PLG: variants seen among roughly 807,000 people sequenced by gnomAD.
PLG encodes plasmin.
Under a neutral mutation model 104.4 loss-of-function variants are expected in PLG, and 41 were observed. The ratio of observed to expected loss-of-function variants is 0.39; its 90% confidence interval spans 0.31 to 0.51. The LOEUF (loss-of-function observed/expected upper bound fraction) is 0.51. PLG is among the 20% of genes least tolerant of loss of function. The pLI is 0.76. For synonymous variants in PLG, 337 were observed against 357.1 expected (o/e 0.94, Z 0.63); for missense variants, 891 against 1,003.6 (o/e 0.89, Z 1.52).
At chr6:160,745,432 G>A (rs2115184549) in intron 17 of PLG, among the ~76,000 whole-genome samples, 1 of 152,190 alleles carries the variant, frequency 6.6e-6, no homozygotes, top group East Asian at 1.9e-4. Context: ...GTCTTTGTTG[G>A]TTTAAAGTCT....
At chr6:160,710,217 A>G (rs924150446) in intron 3 of PLG, among the ~76,000 whole-genome samples, 14 of 152,250 alleles carry the variant, frequency 9.2e-5, no homozygotes, top group Admixed American at 7.9e-4. Flanking sequence ...TTTTTAAATG[A>G]TTCATGTTTC....
chr6:160,739,772 C>A lies in PLG; in HGVS notation c.2018+564C>A, dbSNP rs1778157507. Among the ~76,000 whole-genome samples the A allele has an allele frequency of 1.4e-5, 2 of 143,128 alleles. No homozygotes were observed. Among genetic ancestry groups the A allele is most frequent in the Admixed American group, 6.8e-5 (1 of 14,756 alleles). 93.9% of individuals were successfully genotyped at this position (143,128 alleles called of 152,430 possible). On this transcript the variant is annotated intron_variant, in intron 16 of 18. Transcript: ENST00000308192. The surrounding 1 kb of genome is among the most constrained non-coding windows in gnomAD (Gnocchi z 4.4). ...TAAGACACTGTACCAAAAAAAAAAA[C>A]ACCAAAAAAACAAAAAACAAACAAA...
chr6:160,745,923 T>G (rs1486780919), intron 17 of PLG, among the ~76,000 whole-genome samples: 1 of 152,130 alleles, frequency 6.6e-6, no homozygotes, highest in Non-Finnish European at 1.5e-5. Context: ...AATTCTTGGG[T>G]GGATATTTTT....
Position 160,744,449 on chromosome 6 carries a change from A to G in PLG, c.2125+3032A>G, listed in dbSNP as rs1271586225. 6.6e-6 allele frequency among the ~76,000 whole-genome samples: 1 copy of G among 152,046 alleles called. No individual in the cohort carries two copies. Among genetic ancestry groups the G allele is most frequent in the Non-Finnish European group, 1.5e-5 (1 of 68,006 alleles). On this transcript the variant is annotated intron_variant, in intron 17 of 18. Coordinates refer to ENST00000308192, the MANE Select transcript of PLG (RefSeq NM_000301.5). The surrounding 1 kb of genome is among the most constrained non-coding windows in gnomAD (Gnocchi z 4.5). ...TAGGTTTTCTAGTTTGTGTGCATGG[A>G]GCTGTTTGTAGTAGTTTCTGATGGT...
Position 160,741,463 on chromosome 6 carries a change from C to T in PLG, c.2125+46C>T, listed in dbSNP as rs551178387. The T allele has an allele frequency of 6.7e-4, 712 of 1,063,352 alleles. 10 individuals are homozygous for T. In the South Asian group the frequency reaches 7.3e-3, roughly 11 times the overall value. The allele number at this position is 1,063,352 out of a possible 1,614,324, so 65.9% of individuals were successfully genotyped here. A position where few individuals can be genotyped will look rare whatever the true frequency, so the allele number is the denominator to read the frequency against. On this transcript the variant is annotated intron_variant, in intron 17 of 18. Coordinates refer to ENST00000308192, the MANE Select transcript of PLG (RefSeq NM_000301.5). The surrounding 1 kb of genome is among the most constrained non-coding windows in gnomAD (Gnocchi z 4.7). The stretch of plus-strand genomic sequence containing the variant: ...CACATAACGAATTGGTTTTGACCTA[C>T]AGTCCATGTGACAAAATGATCATTT...
At chr6:160,745,724 T>A (rs1298258757) in intron 17 of PLG, among the ~76,000 whole-genome samples, 1 of 152,066 alleles carries the variant, frequency 6.6e-6, no homozygotes, top group Non-Finnish European at 1.5e-5. Flanking sequence ...GTGATGGTTT[T>A]ATAGTGTCAT....
chr6:160,743,182 A>G (rs1240976178), intron 17 of PLG, among the ~76,000 whole-genome samples: 1 of 151,958 alleles, frequency 6.6e-6, no homozygotes, highest in Non-Finnish European at 1.5e-5. Flanking sequence ...GTAGTTTTTT[A>G]ATAGTGCTGT....
chr6:160,713,031 CT>C lies in PLG; in HGVS notation c.454del (p.Cys152AlafsTer78). On this transcript the variant is annotated frameshift_variant, in exon 5 of 19. Coordinates refer to ENST00000308192, the MANE Select transcript of PLG (RefSeq NM_000301.5). LOFTEE classifies it high-confidence loss of function. ...CCTCAGAGGGACTGGAGGAGAACTA[CT>C]GCAGGAATCCAGACAACGATCCGCA... is the stretch of plus-strand genomic sequence containing the variant. ...HPSEGLEENY[C>X]RNPDNDPQGP... 1 of 1,609,116 alleles carries C rather than the reference CT, an allele frequency of 6.2e-7. No homozygotes were observed. The highest frequency in any genetic ancestry group is 8.5e-7 in the Non-Finnish European group (1 of 1,177,224).
chr6:160,732,840 G>A lies in PLG; in HGVS notation c.1587+947G>A, dbSNP rs895505353. Among the ~76,000 whole-genome samples, 3 of 152,126 alleles carry A rather than the reference G, an allele frequency of 2.0e-5. No individual in the cohort carries two copies. The highest frequency in any genetic ancestry group is 2.4e-5 in the African/African-American group (1 of 41,418). The stretch of plus-strand genomic sequence containing the variant: ...TGCACCAGCCCCCGGTACCCCAAGT[G>A]TTCAGCAACCCAGAAGCTCTCCAAG... On this transcript the variant is annotated intron_variant, in intron 12 of 18. Coordinates refer to ENST00000308192, the MANE Select transcript of PLG (RefSeq NM_000301.5). The surrounding 1 kb of genome is among the most constrained non-coding windows in gnomAD (Gnocchi z 4.5).
intron 17 of PLG, among the ~76,000 whole-genome samples, chr6:160,743,558 G>A (rs554348990): frequency 8.5e-5 from 13 of 152,260 alleles, no homozygotes; most frequent in African/African-American, 3.1e-4. Flanking sequence ...GGAGCTTTTG[G>A]GCTGAGACTA....
At chr6:160,722,772 T>A (rs960953621) in intron 10 of PLG, among the ~76,000 whole-genome samples, 16 of 152,248 alleles carry the variant, frequency 1.1e-4, no homozygotes, top group African/African-American at 3.9e-4. Context: ...TCCTGAGTAG[T>A]TTTATGGATG....
chr6:160,734,229 T>C lies in PLG; in HGVS notation c.1681+141T>C. 1.6e-6 allele frequency: 1 copy of C among 623,952 alleles called. No homozygotes were observed. The allele number at this position is 623,952 out of a possible 1,614,324, so 38.7% of individuals were successfully genotyped here. ...CAGACCCCACTCTTCATCATGGGCA[T>C]CTTGAATCTGCCCTACTATTGGCCA... On this transcript the variant is annotated intron_variant, in intron 13 of 18. Transcript: ENST00000308192. This position sits in a 1 kb window ranked among gnomAD's most constrained non-coding sequence, Gnocchi z 4.4.
At chr6:160,712,443 T>A (rs1777661065) in intron 4 of PLG, among the ~76,000 whole-genome samples, 2 of 152,360 alleles carry the variant, frequency 1.3e-5, no homozygotes, top group African/African-American at 2.4e-5. Flanking sequence ...CTTGATCTGC[T>A]TCTTCATAGC....
chr6:160,733,958 C>G (rs1166815398), intron 12 of PLG, 37 bp from the exon 13 acceptor site: 5 of 1,105,290 alleles, frequency 4.5e-6, no homozygotes, highest in Non-Finnish European at 7.0e-6. Flanking sequence ...TCTCCTGCCC[C>G]ACGTGAGCTG....
intron 10 of PLG, among the ~76,000 whole-genome samples, chr6:160,727,991 C>T (rs903770196): frequency 6.6e-6 from 1 of 151,502 alleles, no homozygotes; most frequent in African/African-American, 2.4e-5. Flanking sequence ...AAAGAAAGGG[C>T]CTAAAGTTTG....
In PLG at chr6:160,752,376, C is replaced by CGA; in HGVS notation, c.2271+116_2271+117insGA. 2 of 902,522 alleles carry CGA rather than the reference C, an allele frequency of 2.2e-6. No individual in the cohort carries two copies. Among genetic ancestry groups the CGA allele is most frequent in the Non-Finnish European group, 3.7e-6 (2 of 546,112 alleles). The allele number at this position is 902,522 out of a possible 1,614,324, so 55.9% of individuals were successfully genotyped here. A position where few individuals can be genotyped will look rare whatever the true frequency, so the allele number is the denominator to read the frequency against. ...AGGATTTTCAACCGAAGACCCCAGTCTAAGTGTTGTTTAGAAACTTCCTAG... is the reference window on the plus strand; with the variant it reads ...AGGATTTTCAACCGAAGACCCCAGTCGATAAGTGTTGTTTAGAAACTTCCTAG... On this transcript the variant is annotated intron_variant, in intron 18 of 18. Transcript: ENST00000308192. This position sits in a 1 kb window ranked among gnomAD's most constrained non-coding sequence, Gnocchi z 4.7.
rs1033296659 is a variant in PLG, at chr6:160,736,402, C to A, written c.1682-485C>A. On this transcript the variant is annotated intron_variant, in intron 13 of 18. Coordinates refer to ENST00000308192, the MANE Select transcript of PLG (RefSeq NM_000301.5). The surrounding 1 kb of genome is among the most constrained non-coding windows in gnomAD (Gnocchi z 5.2). ...ACAATCACATACACACACACACACACGTGCACACACAGAGACTCACATGGA... is the reference window on the plus strand; with the variant it reads ...ACAATCACATACACACACACACACAAGTGCACACACAGAGACTCACATGGA... Among the ~76,000 whole-genome samples the A allele has an allele frequency of 7.2e-5, 11 of 151,996 alleles. No homozygotes were observed. Among genetic ancestry groups the A allele is most frequent in the Admixed American group, 5.9e-4 (9 of 15,272 alleles).
intron 2 of PLG, among the ~76,000 whole-genome samples, chr6:160,707,383 A>G (rs1481612548): frequency 6.6e-6 from 1 of 152,180 alleles, no homozygotes; most frequent in Admixed American, 6.6e-5. Context: ...GGTTCAAAGC[A>G]ACCAGAGTTG....
chr6:160,732,430 TGTG>T lies in PLG; in HGVS notation c.1587+539_1587+541del, dbSNP rs376787418. On this transcript the variant is annotated intron_variant, in intron 12 of 18. Transcript: ENST00000308192. The surrounding 1 kb of genome is among the most constrained non-coding windows in gnomAD (Gnocchi z 4.5). Reference sequence around the variant, plus strand: ...GCAGCATAACACTTCTCACACCAGATGTGGGGGGATTTCTCCTCACACCCCAAG... The same window carrying T: ...GCAGCATAACACTTCTCACACCAGATGGGGGATTTCTCCTCACACCCCAAG... Among the ~76,000 whole-genome samples the T allele has an allele frequency of 2.5e-4, 38 of 152,260 alleles. 1 individual carries two copies. In the East Asian group the frequency reaches 7.2e-3, roughly 29 times the overall value.
Sources: allele counts gnomAD v4.1 joint callset (sites outside exome capture counted in the v4.1 genomes callset), GRCh38; gene constraint gnomAD v4.1.1; non-coding constraint Gnocchi (gnomAD v3.1); transcripts MANE v1.5; gene names NCBI Gene and HGNC (gene_info 2026-07-23, HGNC 2026-07-21).